Variants in PCDHAC1 observed in about 807,000 individuals in gnomAD.
PCDHAC1 encodes protocadherin alpha subfamily C, 1.
PCDHAC1 carries 42 observed loss-of-function variants against 60.0 expected under a neutral mutation model. That is an observed-to-expected ratio of 0.70 (90% confidence interval 0.55 to 0.90). The LOEUF (loss-of-function observed/expected upper bound fraction) is 0.90. Among genes scored for constraint, PCDHAC1 ranks in the 40% least tolerant of loss-of-function variants. The pLI is 0.00. For synonymous variants in PCDHAC1, 468 were observed against 499.3 expected, an observed-to-expected ratio of 0.94 and a Z score of 0.84; for missense variants, 1,160 against 1,222.3, an observed-to-expected ratio of 0.95 and a Z score of 0.76.
chr5:140,941,241 T>TTCTTTCTTTCTTTCTTTCTTTCTC (rs1585048929), intron 1 of PCDHAC1, among the ~76,000 whole-genome samples: 1 of 140,458 alleles, frequency 7.1e-6, no homozygotes, highest in East Asian at 2.0e-4. Flanking sequence ...CTTTCTTTCT[T>TTCTTTCTTTCTTTCTTTCTTTCTC]TCTTTCTTTC....
intron 1 of PCDHAC1, among the ~76,000 whole-genome samples, chr5:140,945,495 C>A (rs1585197828): frequency 6.6e-6 from 1 of 152,022 alleles, no homozygotes; most frequent in East Asian, 1.9e-4. Context: ...ATACCCAAAG[C>A]AATATTGAGC....
At position 140,927,146 on chromosome 5, in the gene PCDHAC1, A is replaced by T. The variant is rs2083897470; in HGVS notation, c.254A>T (p.Gln85Leu). ...LVVREPADRE[Q>L]LCRAKAACVL... ...GTCAGAGAGCCGGCGGACCGCGAAC[A>T]GCTGTGCAGGGCCAAAGCTGCCTGC... Residue 85 changes from glutamine (Q) to leucine (L), a missense_variant, in exon 1 of 4, where the codon CAG becomes CTG. Physicochemically the swap from Gln to Leu is moderately radical, Grantham distance 113 (BLOSUM62 -2). Around this residue, in one of 3 missense-constraint regions of PCDHAC1, gnomAD observed 1,113 missense variants for 1,163.7 expected, o/e 0.96. Transcript: ENST00000253807. 1 of 1,614,156 alleles carries T rather than the reference A, an allele frequency of 6.2e-7. No homozygotes were observed. The highest frequency in any genetic ancestry group is 2.2e-5 in the East Asian group (1 of 44,856).
intron 1 of PCDHAC1, chr5:140,929,632 C>T: frequency 2.6e-6 from 1 of 387,580 alleles, no homozygotes; most frequent in Admixed American, 4.5e-5. Flanking sequence ...TTATAAGCAA[C>T]AGATGTGTAA....
rs543804071 is a variant in PCDHAC1, at chr5:140,951,447, C to T, written c.2433+22122C>T. Among the ~76,000 whole-genome samples the T allele has an allele frequency of 2.2e-4, 34 of 152,004 alleles. No homozygotes were observed. In the South Asian group the frequency reaches 5.8e-3, roughly 26 times the overall value. On this transcript the variant is annotated intron_variant, in intron 1 of 3. Coordinates refer to ENST00000253807, the MANE Select transcript of PCDHAC1 (RefSeq NM_018898.5). ...CCACAGGCTGTAGGAAGCATGATGC[C>T]GGCCATCTGCTTGGCTTCTGGGGAG...
chr5:140,972,399 T>C (rs1554234105), intron 1 of PCDHAC1, among the ~76,000 whole-genome samples: 2 of 152,062 alleles, frequency 1.3e-5, no homozygotes, highest in South Asian at 2.1e-4. Context: ...TGCTTCACTA[T>C]TGGCAAACCC....
chr5:140,955,726 C>T (rs934215613), intron 1 of PCDHAC1, among the ~76,000 whole-genome samples: 1 of 152,264 alleles, frequency 6.6e-6, no homozygotes, highest in East Asian at 1.9e-4. Context: ...ACCATTGAAT[C>T]TATAAATTAC....
Position 140,929,284 on chromosome 5 carries a change from A to G in PCDHAC1, c.2392A>G (p.Ile798Val). The G allele has an allele frequency of 6.2e-7, 1 of 1,600,764 alleles. No individual in the cohort carries two copies. The highest frequency in any genetic ancestry group is 8.5e-7 in the Non-Finnish European group (1 of 1,170,820). The part of the protein sequence containing the change: ...GLNLPISCIQ[I>V]RNRKGDHANV... ...GAATTTGCCAATATCCTGTATTCAG[A>G]TTCGGAATAGGAAAGGGGATCACGC... Residue 798 changes from isoleucine to valine, a missense_variant, in exon 1 of 4, where the codon ATT becomes GTT. Transcript: ENST00000253807.
chr5:140,991,844 C>T (rs892318388), intron 3 of PCDHAC1, among the ~76,000 whole-genome samples: 2 of 152,334 alleles, frequency 1.3e-5, no homozygotes, highest in Middle Eastern at 6.8e-3. Flanking sequence ...AACCGCACTT[C>T]CAGATACCAA....
At chr5:140,971,292 T>C (rs1194622162) in intron 1 of PCDHAC1, among the ~76,000 whole-genome samples, 1 of 152,210 alleles carries the variant, frequency 6.6e-6, no homozygotes, top group Non-Finnish European at 1.5e-5. Flanking sequence ...TAATATGTAC[T>C]TTGGTACACA....
At chr5:140,952,955 A>G (rs1244776708) in intron 1 of PCDHAC1, among the ~76,000 whole-genome samples, 1 of 152,044 alleles carries the variant, frequency 6.6e-6, no homozygotes, top group Non-Finnish European at 1.5e-5. Context: ...AGAAGGGGGA[A>G]GTGATACACA....
intron 3 of PCDHAC1, among the ~76,000 whole-genome samples, chr5:141,006,464 C>T (rs1243356826): frequency 5.9e-5 from 9 of 152,100 alleles, no homozygotes; most frequent in African/African-American, 1.7e-4. Context: ...CTGCCTGTCT[C>T]GGCCTCCCAA....
At chr5:140,968,921 T>C (rs111394602) in intron 1 of PCDHAC1, 34 of 1,614,098 alleles carry the variant, frequency 2.1e-5, no homozygotes, top group Non-Finnish European at 2.6e-5. Context: ...GTCTTTTATA[T>C]TTCTTTTGAC....
intron 1 of PCDHAC1, among the ~76,000 whole-genome samples, chr5:140,931,876 T>G (rs533517349): frequency 1.3e-5 from 2 of 152,112 alleles, no homozygotes; most frequent in South Asian, 4.1e-4. Context: ...AAATATTTAT[T>G]GCTTTCATTT....
rs577838197 is a variant in PCDHAC1, at chr5:140,982,551, A to G, written c.2569A>G (p.Ser857Gly). 28 of 1,614,198 alleles carry G rather than the reference A, an allele frequency of 1.7e-5. No individual in the cohort carries two copies. Among genetic ancestry groups the G allele is most frequent in the South Asian group, 1.2e-4 (11 of 91,088 alleles). The change falls in exon 3 of 4, where the codon AGT (serine) becomes GGT (glycine). Residue 857 changes from serine (S) to glycine (G), a missense_variant. Coordinates refer to ENST00000253807, the MANE Select transcript of PCDHAC1 (RefSeq NM_018898.5). ...GPDQQWPTVS[S>G]ATPEPEAGEV... is the part of the protein sequence containing the mutation. ...TGATCAGCAGTGGCCAACAGTATCC[A>G]GTGCAACACCAGGTAAAGAGCTGGG... is the stretch of plus-strand genomic sequence containing the variant.
chr5:140,938,293 C>T (rs896897734), intron 1 of PCDHAC1, among the ~76,000 whole-genome samples: 2 of 152,110 alleles, frequency 1.3e-5, no homozygotes, highest in African/African-American at 4.8e-5. Flanking sequence ...CTGTCATTGC[C>T]TATGAAATTC....
At chr5:140,949,963 A>G (rs1044562957) in intron 1 of PCDHAC1, among the ~76,000 whole-genome samples, 1 of 151,750 alleles carries the variant, frequency 6.6e-6, no homozygotes, top group African/African-American at 2.4e-5. Context: ...TGCTGTAAGG[A>G]TTACAGCATA....
intron 1 of PCDHAC1, among the ~76,000 whole-genome samples, chr5:140,952,990 G>T (rs1218296143): frequency 6.6e-6 from 1 of 152,042 alleles, no homozygotes; most frequent in Non-Finnish European, 1.5e-5. Context: ...GATCTCATGA[G>T]AACTCTCTCA....
At chr5:140,937,190 A>T (rs1255488487) in intron 1 of PCDHAC1, among the ~76,000 whole-genome samples, 1 of 151,824 alleles carries the variant, frequency 6.6e-6, no homozygotes, top group East Asian at 2.0e-4. Context: ...GGCGCCCGCC[A>T]CCATGCCCGG....
In PCDHAC1 at chr5:140,926,549, C is replaced by A; in HGVS notation, c.-344C>A. ...CCCGCAGCCAGCGTGGTGGTCGAGA[C>A]CCCAGCCCGCTGCTACTGGAGACAG... On this transcript the variant is annotated 5_prime_UTR_variant, in exon 1 of 4. Transcript: ENST00000253807. The A allele has an allele frequency of 4.3e-6, 1 of 231,836 alleles. No individual in the cohort carries two copies. The highest frequency in any genetic ancestry group is 8.2e-6 in the Non-Finnish European group (1 of 121,462). 14.4% of individuals were successfully genotyped at this position (231,836 alleles called of 1,614,324 possible). A position where few individuals can be genotyped will look rare whatever the true frequency, so the allele number is the denominator to read the frequency against.
Sources: allele counts gnomAD v4.1 joint callset (sites outside exome capture counted in the v4.1 genomes callset), GRCh38; gene constraint gnomAD v4.1.1; regional missense constraint gnomAD v4.1.1; transcripts MANE v1.5; gene names NCBI Gene and HGNC (gene_info 2026-07-23, HGNC 2026-07-21).